WIPF2: variants seen among roughly 807,000 people sequenced by gnomAD.
The protein encoded by WIPF2 is WAS/WASL interacting protein family member 2.
WIPF2 carries 23 observed loss-of-function variants against 38.8 expected under a neutral mutation model. The ratio of observed to expected loss-of-function variants is 0.59; its 90% CI spans 0.43 to 0.84. WIPF2 has a LOEUF of 0.84. Ranked by LOEUF, WIPF2 falls within the 40% of genes least tolerant of loss-of-function variation. WIPF2 has a pLI of 0.00. For missense variants in WIPF2, 574 were observed against 580.5 expected (o/e 0.99, Z 0.11); for synonymous variants, 210 against 223.2 (o/e 0.94, Z 0.53).
At chr17:40,249,452 G>GTTT (rs201564200) in intron 1 of WIPF2, among the ~76,000 whole-genome samples, 2 of 144,950 alleles carry the variant, frequency 1.4e-5, no homozygotes, top group Admixed American at 1.4e-4. Context: ...GAAGGAAGCA[G>GTTT]TTTTTTTTTT....
In WIPF2 at chr17:40,283,188, A is replaced by AAAAAAAT. The variant is rs2032589518; in HGVS notation, c.*4967_*4968insAATAAAA. ...AAAAAAAAAAAAAAAAAAAAAAAAA[A>AAAAAAAT]AAAATTCTAGAGTTCTAGTTACCCT... On this transcript the variant is annotated 3_prime_UTR_variant, in exon 8 of 8. Coordinates refer to ENST00000323571, the MANE Select transcript of WIPF2 (RefSeq NM_133264.5). The AAAAAAAT allele has an allele frequency of 6.7e-6, 1 of 148,618 alleles. No individual in the cohort carries two copies. The highest frequency in any genetic ancestry group is 2.5e-5 in the African/African-American group (1 of 40,238). 9.2% of individuals were successfully genotyped at this position (148,618 alleles called of 1,614,324 possible).
At chr17:40,258,025 G>C (rs1259840335) in intron 2 of WIPF2, among the ~76,000 whole-genome samples, 1 of 152,164 alleles carries the variant, frequency 6.6e-6, no homozygotes. Context: ...GTAGTTTTTA[G>C]ACATTTTGTT....
chr17:40,232,885 G>T (rs758222208), intron 1 of WIPF2, among the ~76,000 whole-genome samples: 171 of 151,412 alleles, frequency 1.1e-3, no homozygotes, highest in Non-Finnish European at 2.2e-3. Flanking sequence ...TCGTCTGCCC[G>T]CCTCGGCCTC....
In WIPF2 at chr17:40,219,405, G is replaced by A. The variant is rs970902828; in HGVS notation, c.-157G>A. 1.1e-4 allele frequency: 46 copies of A among 415,182 alleles called. 1 individual carries two copies. The East Asian group carries it at 2.3e-3, about 21-fold the overall frequency. The allele number at this position is 415,182 out of a possible 1,614,324, so 25.7% of individuals were successfully genotyped here. ...CGGCGGCGGCGGCGGCGGCGACGGCGAGAAAGAGCTTGCCGGGGGGCGAGC... is the reference window on the plus strand; with the variant it reads ...CGGCGGCGGCGGCGGCGGCGACGGCAAGAAAGAGCTTGCCGGGGGGCGAGC... On this transcript the variant is annotated 5_prime_UTR_variant, in exon 1 of 8. Coordinates refer to ENST00000323571, the MANE Select transcript of WIPF2 (RefSeq NM_133264.5).
In WIPF2 at chr17:40,263,597, C is replaced by G. The variant is rs1215802958; in HGVS notation, c.314-893C>G. 2.3e-5 allele frequency among the ~76,000 whole-genome samples: 3 copies of G among 131,590 alleles called. No homozygotes were observed. The East Asian group carries it at 7.7e-4, about 34-fold the overall frequency. The allele number at this position is 131,590 out of a possible 152,430, so 86.3% of individuals were successfully genotyped here. On this transcript the variant is annotated intron_variant, in intron 4 of 7. Coordinates refer to ENST00000323571, the MANE Select transcript of WIPF2 (RefSeq NM_133264.5). ...TTGCTCTGTCGCCCAGGCTGGAGTG[C>G]AGTGGTGCCATCTTGGCTCACTGCA... is the stretch of plus-strand genomic sequence containing the variant.
intron 1 of WIPF2, among the ~76,000 whole-genome samples, chr17:40,242,280 T>C (rs564909211): frequency 1.3e-5 from 2 of 152,164 alleles, no homozygotes; most frequent in African/African-American, 4.8e-5. Flanking sequence ...GGTGAGAAGA[T>C]TGCTTGAGCC....
intron 4 of WIPF2, among the ~76,000 whole-genome samples, chr17:40,263,193 C>T (rs1299452961): frequency 1.3e-5 from 2 of 152,090 alleles, no homozygotes. Context: ...TCATGGAAGA[C>T]AATTTTTCCA....
Position 40,278,246 on chromosome 17 carries a change from C to T in WIPF2, c.*21C>T, listed in dbSNP as rs201319040. Reference sequence around the variant, plus strand: ...GGTGAAGCCTGGCTTGGTCCCGTTCCTCAGGAAAAGGATGGACCTTCTCTT... The same window carrying T: ...GGTGAAGCCTGGCTTGGTCCCGTTCTTCAGGAAAAGGATGGACCTTCTCTT... On this transcript the variant is annotated 3_prime_UTR_variant, in exon 8 of 8. Transcript: ENST00000323571. The T allele has an allele frequency of 3.4e-5, 55 of 1,613,302 alleles. No individual in the cohort carries two copies. In the East Asian group the frequency reaches 1.0e-3, roughly 30 times the overall value.
At position 40,264,858 on chromosome 17, in the gene WIPF2, C is replaced by T; in HGVS notation, c.682C>T (p.Pro228Ser). The change falls in exon 5 of 8, where the codon CCC (proline) becomes TCC (serine). Residue 228 changes from proline (P) to serine (S), a missense_variant. Transcript: ENST00000323571. ...HPGREGPPAP[P>S]PVKPPPSPVN... Reference sequence around the variant, plus strand: ...TGGTCGAGAGGGACCTCCTGCTCCACCCCCAGTCAAACCACCTCCTTCCCC... The same window carrying T: ...TGGTCGAGAGGGACCTCCTGCTCCATCCCCAGTCAAACCACCTCCTTCCCC... 1.2e-6 allele frequency: 2 copies of T among 1,614,170 alleles called. No homozygotes were observed. Among genetic ancestry groups the T allele is most frequent in the Non-Finnish European group, 1.7e-6 (2 of 1,180,034 alleles).
At chr17:40,240,104 C>T (rs542753170) in intron 1 of WIPF2, among the ~76,000 whole-genome samples, 6 of 149,376 alleles carry the variant, frequency 4.0e-5, no homozygotes, top group Admixed American at 2.0e-4. Context: ...CTCTGTTGCC[C>T]GGGCTGGAGT....
chr17:40,224,175 G>A (rs1598462296), intron 1 of WIPF2, among the ~76,000 whole-genome samples: 3 of 150,084 alleles, frequency 2.0e-5, no homozygotes, highest in South Asian at 4.2e-4. Context: ...ATGGAGGCTC[G>A]GTGCTCCTGG....
At chr17:40,262,728 G>A in intron 4 of WIPF2, 87 bp downstream of exon 4, 2 of 1,068,626 alleles carry the variant, frequency 1.9e-6, no homozygotes, top group South Asian at 1.3e-5. Context: ...GAGGAGTATG[G>A]TAGAGGTGGG....
chr17:40,232,787 C>T (rs1194171767), intron 1 of WIPF2, among the ~76,000 whole-genome samples: 3 of 150,356 alleles, frequency 2.0e-5, no homozygotes, highest in Admixed American at 1.3e-4. Flanking sequence ...TACAGGCATG[C>T]GCCACCATGC....
intron 1 of WIPF2, among the ~76,000 whole-genome samples, chr17:40,234,326 G>A (rs1334640341): frequency 1.3e-5 from 2 of 152,246 alleles, no homozygotes; most frequent in African/African-American, 4.8e-5. Context: ...CTACTCGGGA[G>A]GCTGAGGCAG....
chr17:40,272,863 T>C (rs979699156), intron 5 of WIPF2, among the ~76,000 whole-genome samples: 2 of 152,076 alleles, frequency 1.3e-5, no homozygotes, highest in East Asian at 1.9e-4. Context: ...GCACACAGAA[T>C]AAATAATTAT....
chr17:40,250,945 G>C (rs1165226133), intron 1 of WIPF2, among the ~76,000 whole-genome samples: 2 of 115,512 alleles, frequency 1.7e-5, no homozygotes, highest in African/African-American at 6.8e-5. Flanking sequence ...TTTGAGTCTC[G>C]CTTTGTCACC....
Position 40,281,335 on chromosome 17 carries a change from A to C in WIPF2, c.*3110A>C, listed in dbSNP as rs557752893. On this transcript the variant is annotated 3_prime_UTR_variant, in exon 8 of 8. Transcript: ENST00000323571. ...ACTGCCCTGTCTGGGAAGCAGGGCA[A>C]ACCTCCAGGTTTTTAAATGAGCTAG... is the stretch of plus-strand genomic sequence containing the variant. 1 of 152,320 alleles carries C rather than the reference A, an allele frequency of 6.6e-6. No individual in the cohort carries two copies. The highest frequency in any genetic ancestry group is 2.4e-5 in the African/African-American group (1 of 41,566). The allele number at this position is 152,320 out of a possible 1,614,324, so 9.4% of individuals were successfully genotyped here. A position where few individuals can be genotyped will look rare whatever the true frequency, so the allele number is the denominator to read the frequency against.
intron 1 of WIPF2, among the ~76,000 whole-genome samples, chr17:40,235,234 A>G (rs2030919966): frequency 6.6e-6 from 1 of 152,140 alleles, no homozygotes; most frequent in Non-Finnish European, 1.5e-5. Flanking sequence ...TTTAAACCAC[A>G]ATGGCACTGA....
intron 1 of WIPF2, among the ~76,000 whole-genome samples, chr17:40,221,132 C>T (rs552812719): frequency 3.3e-5 from 5 of 152,184 alleles, no homozygotes; most frequent in African/African-American, 4.8e-5. Flanking sequence ...GCTTTGGGCT[C>T]TCCCAGGGTC....
Sources: gnomAD v4.1 joint callset for allele counts (sites outside exome capture counted in the v4.1 genomes callset) on GRCh38, gnomAD v4.1.1 for gene constraint, MANE v1.5 for transcripts, NCBI Gene and HGNC (gene_info 2026-07-23, HGNC 2026-07-21) for gene names.